GRB7: variants seen among roughly 807,000 people sequenced by gnomAD.
The protein encoded by GRB7 is growth factor receptor bound protein 7, also known as growth factor receptor-bound protein 7.
A neutral mutation model predicts 64.1 loss-of-function variants in GRB7; 47 were observed. The ratio of observed to expected loss-of-function variants is 0.73; its 90% CI spans 0.58 to 0.94. GRB7 has a LOEUF of 0.94. GRB7 is among the 40% of genes least tolerant of loss of function. The pLI is 0.00. For synonymous variants in GRB7, 277 were observed against 279.9 expected (o/e 0.99, Z 0.10); for missense variants, 634 against 718.4 (o/e 0.88, Z 1.34).
In GRB7 at chr17:39,746,123, G is replaced by A. The variant is rs778186811; in HGVS notation, c.1373G>A (p.Arg458Gln). ...QGLVDGLFLV[R>Q]ESQRNPQGFV... The stretch of plus-strand genomic sequence containing the variant: ...TCTTCTGGCAGCCTGTTCCTGGTCC[G>A]GGAGAGTCAGCGGAACCCCCAGGGC... Residue 458 changes from arginine (R) to glutamine (Q), a missense_variant, in exon 14 of 15, where the codon CGG becomes CAG. Physicochemically the swap from Arg to Gln is conservative, Grantham distance 43. This residue lies in a region of GRB7 where 467 missense variants were observed against 576.6 expected (regional missense o/e 0.81). Coordinates refer to ENST00000309156, the MANE Select transcript of GRB7 (RefSeq NM_005310.5). The A allele has an allele frequency of 9.3e-6, 15 of 1,613,940 alleles. No individual in the cohort carries two copies. Among genetic ancestry groups the A allele is most frequent in the African/African-American group, 5.3e-5 (4 of 74,900 alleles).
rs1280669893 is a variant in GRB7 at position 39,744,671 on chromosome 17, C to T, written c.912+8C>T. The T allele has an allele frequency of 6.3e-7, 1 of 1,583,476 alleles. No individual in the cohort carries two copies. Among genetic ancestry groups the T allele is most frequent in the Non-Finnish European group, 8.6e-7 (1 of 1,163,252 alleles). ...TTCGGTTTCTGTGTCAAGGTGAAGA[C>T]CTGGCCAGGCCTGGCCCCTGGCCTG... On this transcript the variant is annotated splice_region_variant and intron_variant, in intron 8 of 14. Coordinates refer to ENST00000309156, the MANE Select transcript of GRB7 (RefSeq NM_005310.5).
chr17:39,743,120 G>A, intron 4 of GRB7, 60 bp from the exon 5 acceptor site: 5 of 1,603,610 alleles, frequency 3.1e-6, no homozygotes, highest in Non-Finnish European at 4.3e-6. Context: ...CTAGGCATGT[G>A]GCTCATCCAG....
intron 1 of GRB7, chr17:39,740,252 T>C (rs1162626945): frequency 2.5e-6 from 2 of 804,176 alleles, no homozygotes; most frequent in East Asian, 2.5e-4. Context: ...TAGCGGGTGA[T>C]GGGTGTGTCG....
Position 39,745,252 on chromosome 17 carries a change from C to T in GRB7, c.1021C>T (p.Gln341Ter). The T allele has an allele frequency of 6.2e-7, 1 of 1,608,378 alleles. No individual in the cohort carries two copies. The highest frequency in any genetic ancestry group is 8.5e-7 in the Non-Finnish European group (1 of 1,176,734). ...CTCTCCCCACCCCCAGTACGGGGTGCAGCTGTACAAGAATTACCAGCAGGC... is the reference window on the plus strand; with the variant it reads ...CTCTCCCCACCCCCAGTACGGGGTGTAGCTGTACAAGAATTACCAGCAGGC... The part of the protein sequence containing the change: ...AAFRLFKYGV[Q>*]LYKNYQQAQS... Residue 341 changes from glutamine (Q) to a stop codon, truncating the protein, a stop_gained, in exon 10 of 15, where the codon CAG (glutamine) becomes TAG (stop). Coordinates refer to ENST00000309156, the MANE Select transcript of GRB7 (RefSeq NM_005310.5). LOFTEE classifies it high-confidence loss of function.
Position 39,742,584 on chromosome 17 carries a change from G to T in GRB7, c.174G>T (p.Glu58Asp). ...GCCACAGGAAACTTCGAGAGGAGGA[G>T]AGGCGTGCCACCTCCCTCCCCTCTA... is the stretch of plus-strand genomic sequence containing the variant. ...PTTGRKLREEERRATSLPSIP... is the reference protein window; with the variant it reads ...PTTGRKLREEDRRATSLPSIP... Residue 58 changes from glutamate (E) to aspartate (D), a missense_variant, in exon 3 of 15, where the codon GAG becomes GAT. By Grantham distance (45) the Glu-to-Asp change is conservative. Transcript: ENST00000309156. 1 of 1,613,846 alleles carries T rather than the reference G, an allele frequency of 6.2e-7. No individual in the cohort carries two copies. The highest frequency in any genetic ancestry group is 8.5e-7 in the Non-Finnish European group (1 of 1,179,960).
At position 39,745,330 on chromosome 17, in the gene GRB7, GTGCCCAAGGGGATGGGAGGGTGGGTA is replaced by G; in HGVS notation, c.1092+11_1092+36del. The G allele has an allele frequency of 6.2e-7, 1 of 1,609,260 alleles. No homozygotes were observed. The highest frequency in any genetic ancestry group is 8.5e-7 in the Non-Finnish European group (1 of 1,176,724). Reference sequence around the variant, plus strand: ...TTTGGGCTCCCCACCCTTGGTGAGTGTGCCCAAGGGGATGGGAGGGTGGGTATGCAGGCCCTGTCTTACGGGTACCT... The same window carrying G: ...TTTGGGCTCCCCACCCTTGGTGAGTGTGCAGGCCCTGTCTTACGGGTACCT... On this transcript the variant is annotated splice_region_variant and intron_variant, in intron 10 of 14. Transcript: ENST00000309156.
chr17:39,743,455 T>C lies in GRB7; in HGVS notation c.648T>C (p.His216=), dbSNP rs1344464930. The change falls in exon 6 of 15, where the codon CAT becomes CAC. Residue 216 remains histidine (H), a synonymous_variant. Coordinates refer to ENST00000309156, the MANE Select transcript of GRB7 (RefSeq NM_005310.5). ...TCGATGCACACACTGGTATATCCCA[T>C]GAAGACCTCATCCAGGTGGGGGGAC... The part of the protein sequence containing the change: ...SCLDAHTGIS[H]EDLIQNFLNA... 16 of 1,613,922 alleles carry C rather than the reference T, an allele frequency of 9.9e-6. No individual in the cohort carries two copies. The highest frequency in any genetic ancestry group is 1.3e-5 in the African/African-American group (1 of 74,894).
chr17:39,747,089 A>G lies in GRB7; in HGVS notation c.*192A>G. 4 of 607,676 alleles carry G rather than the reference A, an allele frequency of 6.6e-6. No homozygotes were observed. In the South Asian group the frequency reaches 8.6e-5, roughly 13 times the overall value. The allele number at this position is 607,676 out of a possible 1,614,324, so 37.6% of individuals were successfully genotyped here. ...CAGCCCCCACTCCAGTCCACTCCTGACCCCTCTCCTCAAGGGAAGGCCTTG... is the reference window on the plus strand; with the variant it reads ...CAGCCCCCACTCCAGTCCACTCCTGGCCCCTCTCCTCAAGGGAAGGCCTTG... On this transcript the variant is annotated 3_prime_UTR_variant, in exon 15 of 15. Transcript: ENST00000309156.
At chr17:39,739,812 A>G (rs532355370) in intron 1 of GRB7, among the ~76,000 whole-genome samples, 2 of 151,998 alleles carry the variant, frequency 1.3e-5, no homozygotes, top group African/African-American at 4.8e-5. Flanking sequence ...TTTCCAACCG[A>G]AGCTTTACCG....
Position 39,737,978 on chromosome 17 carries a change from C to A in GRB7, c.-206C>A, listed in dbSNP as rs921007851. 2.0e-5 allele frequency: 3 copies of A among 152,456 alleles called. No homozygotes were observed. The highest frequency in any genetic ancestry group is 6.5e-5 in the Admixed American group (1 of 15,310). The allele number at this position is 152,456 out of a possible 1,614,324, so 9.4% of individuals were successfully genotyped here. ...GGAATCTGGACACACAGGGCTCCCC[C>A]CCGCCTCTGACTTCTCTGTCCGAAG... On this transcript the variant is annotated 5_prime_UTR_variant, in exon 1 of 15. Coordinates refer to ENST00000309156, the MANE Select transcript of GRB7 (RefSeq NM_005310.5).
At chr17:39,745,010 G>A (rs1323799996) in intron 9 of GRB7, 26 bp downstream of exon 9, 1 of 1,569,310 alleles carries the variant, frequency 6.4e-7, no homozygotes, top group Non-Finnish European at 8.8e-7. Context: ...TGGCATGGGG[G>A]GCTGGCCTGG....
intron 1 of GRB7, among the ~76,000 whole-genome samples, chr17:39,740,428 G>A (rs1298270650): frequency 6.6e-6 from 1 of 152,316 alleles, no homozygotes; most frequent in Admixed American, 6.5e-5. Context: ...GGCTCTGAGC[G>A]ATGCTTTGGG....
At position 39,743,403 on chromosome 17, in the gene GRB7, T is replaced by G. The variant is rs1357113083; in HGVS notation, c.596T>G (p.Phe199Cys). 1.9e-6 allele frequency: 3 copies of G among 1,613,926 alleles called. No homozygotes were observed. The highest frequency in any genetic ancestry group is 2.5e-6 in the Non-Finnish European group (3 of 1,179,984). ...CTTGTCTACCCACAGCACTCCCTGT[T>G]CCCAGAAAAAATGGTCTCCAGCTGT... is the stretch of plus-strand genomic sequence containing the variant. ...ELFKSSPHSLFPEKMVSSCLD... is the reference protein window; with the variant it reads ...ELFKSSPHSLCPEKMVSSCLD... The change falls in exon 6 of 15, where the codon TTC becomes TGC. Residue 199 changes from phenylalanine to cysteine, a missense_variant. Around this residue, in one of 2 missense-constraint regions of GRB7, gnomAD observed 467 missense variants for 576.6 expected, o/e 0.81. Transcript: ENST00000309156.
chr17:39,740,573 T>A (rs570674410), intron 1 of GRB7, among the ~76,000 whole-genome samples: 2 of 152,020 alleles, frequency 1.3e-5, no homozygotes, highest in Admixed American at 6.6e-5. Context: ...TGAGAGCAGA[T>A]CGTAGGTCCC....
intron 14 of GRB7, 129 bp from the exon 15 acceptor site, chr17:39,746,622 A>C: frequency 7.7e-7 from 1 of 1,294,076 alleles, no homozygotes; most frequent in Non-Finnish European, 1.1e-6. Context: ...GTCTCAAAAA[A>C]AAAAAAAGAA....
intron 1 of GRB7, chr17:39,738,581 G>T: frequency 6.8e-6 from 1 of 147,366 alleles, no homozygotes. Context: ...AGCGCTCCTT[G>T]TTCCCTCCCT....
At chr17:39,740,133 G>T in intron 1 of GRB7, 1 of 985,682 alleles carries the variant, frequency 1.0e-6, no homozygotes, top group African/African-American at 1.7e-5. Flanking sequence ...GCCCCCTGCA[G>T]CCTGGAATGA....
intron 1 of GRB7, 72 bp from the exon 2 acceptor site, chr17:39,742,180 G>A (rs548216413): frequency 1.3e-4 from 135 of 1,053,954 alleles, no homozygotes; most frequent in South Asian, 6.1e-4. Context: ...GAGGTGCTAG[G>A]TAAACTCTGA....
chr17:39,740,091 C>G (rs1008820306), intron 1 of GRB7: 2 of 985,512 alleles, frequency 2.0e-6, no homozygotes, highest in South Asian at 9.4e-5. Context: ...CTCCCCACCC[C>G]ACTGTTGGTC....
Sources: gnomAD v4.1 joint callset for allele counts (sites outside exome capture counted in the v4.1 genomes callset) on GRCh38, gnomAD v4.1.1 for gene constraint, gnomAD v4.1.1 regional missense constraint, MANE v1.5 for transcripts, NCBI Gene and HGNC (gene_info 2026-07-23, HGNC 2026-07-21) for gene names.